Variants in WWOX observed in about 807,000 individuals in gnomAD.
WWOX encodes the protein WW domain-containing oxidoreductase.
In WWOX, 69 loss-of-function variants were observed where a neutral mutation model predicts 46.2. The ratio of observed to expected loss-of-function variants is 1.49; its 90% confidence interval spans 1.23 to 1.82. WWOX has a LOEUF of 1.82. WWOX is among the 40% of genes most tolerant of loss of function. WWOX has a pLI of 0.00. For synonymous variants in WWOX, 359 were observed against 202.6 expected (o/e 1.77, Z -6.56); for missense variants, 919 against 542.6 (o/e 1.69, Z -6.89).
At chr16:78,708,346 G>C (rs2048369135) in intron 8 of WWOX, among the ~76,000 whole-genome samples, 1 of 152,136 alleles carries the variant, frequency 6.6e-6, no homozygotes, top group Non-Finnish European at 1.5e-5. Context: ...TTGTTTATGT[G>C]AAACTCAAAT....
At chr16:78,508,480 C>A (rs888546761) in intron 8 of WWOX, among the ~76,000 whole-genome samples, 10 of 152,100 alleles carry the variant, frequency 6.6e-5, no homozygotes, top group Non-Finnish European at 1.5e-5. Flanking sequence ...CAAGACGTAG[C>A]TAATTGCTCT....
chr16:79,006,236 T>G (rs2047188209), intron 8 of WWOX, among the ~76,000 whole-genome samples: 1 of 152,100 alleles, frequency 6.6e-6, no homozygotes, highest in Non-Finnish European at 1.5e-5. Flanking sequence ...ATAAGTGGCA[T>G]TTGATGAGTT....
chr16:78,274,927 G>A (rs964444313), intron 5 of WWOX, among the ~76,000 whole-genome samples: 1 of 152,170 alleles, frequency 6.6e-6, no homozygotes, highest in East Asian at 1.9e-4. Context: ...AGTGGTAAGA[G>A]AGCCTTTCCC....
chr16:78,807,232 C>T (rs200234745), intron 8 of WWOX, among the ~76,000 whole-genome samples: 3 of 152,242 alleles, frequency 2.0e-5, no homozygotes, highest in East Asian at 1.9e-4. Context: ...TCCACTGAGT[C>T]GCAACATGCC....
chr16:79,015,399 G>T (rs1008896703), intron 8 of WWOX, among the ~76,000 whole-genome samples: 2 of 152,128 alleles, frequency 1.3e-5, no homozygotes, highest in African/African-American at 4.8e-5. Context: ...TCCTTTGTTT[G>T]CAAAATAGTA....
chr16:79,055,792 C>G (rs908228983), intron 8 of WWOX, among the ~76,000 whole-genome samples: 1 of 152,154 alleles, frequency 6.6e-6, no homozygotes, highest in African/African-American at 2.4e-5. Flanking sequence ...AGCAACCAAA[C>G]AGTTTCTTCT....
chr16:79,116,515 A>G (rs914033227), intron 8 of WWOX, among the ~76,000 whole-genome samples: 2 of 152,168 alleles, frequency 1.3e-5, no homozygotes, highest in African/African-American at 4.8e-5. Flanking sequence ...GCAAGAAATC[A>G]CTTTCTTTGC....
intron 8 of WWOX, among the ~76,000 whole-genome samples, chr16:78,517,098 A>G (rs1263166659): frequency 6.6e-6 from 1 of 152,192 alleles, no homozygotes. Flanking sequence ...TATTTATGAA[A>G]TCGGGGCAGC....
intron 8 of WWOX, among the ~76,000 whole-genome samples, chr16:78,804,524 G>A (rs1001187658): frequency 1.7e-4 from 26 of 152,168 alleles, no homozygotes; most frequent in African/African-American, 5.8e-4. Context: ...TATGTTCTGC[G>A]TGTGGCTCTC....
At chr16:78,545,783 C>G (rs1028572652) in intron 8 of WWOX, among the ~76,000 whole-genome samples, 2 of 152,108 alleles carry the variant, frequency 1.3e-5, no homozygotes, top group Admixed American at 6.6e-5. Context: ...TCTCTGAGGC[C>G]TCTCTCCTTG....
chr16:78,422,419 T>G (rs76389311), intron 6 of WWOX, among the ~76,000 whole-genome samples: 13,054 of 151,216 alleles, frequency 0.086, 1,641 homozygotes, highest in African/African-American at 0.28. Flanking sequence ...TCATAGCTCA[T>G]TGCAGCCCTT....
At chr16:79,130,794 G>A (rs777402242) in intron 8 of WWOX, among the ~76,000 whole-genome samples, 5 of 152,186 alleles carry the variant, frequency 3.3e-5, no homozygotes, top group Non-Finnish European at 7.3e-5. Flanking sequence ...CTGTGATCAA[G>A]TACATATGCT....
chr16:78,603,163 T>G (rs1201368005), intron 8 of WWOX, among the ~76,000 whole-genome samples: 1 of 152,224 alleles, frequency 6.6e-6, no homozygotes, highest in Non-Finnish European at 1.5e-5. Context: ...TGCTGTTTTA[T>G]GCACATCATC....
chr16:79,212,573 A>G lies in WWOX; in HGVS notation c.*777A>G, dbSNP rs1372827266. On this transcript the variant is annotated 3_prime_UTR_variant, in exon 9 of 9. Coordinates refer to ENST00000566780, the MANE Select transcript of WWOX (RefSeq NM_016373.4). Reference sequence around the variant, plus strand: ...ACGTTAGTTAATCCCTTTGTCTGTCAATCACAGTCTCAGTTCTCTTGCTTT... The same window carrying G: ...ACGTTAGTTAATCCCTTTGTCTGTCGATCACAGTCTCAGTTCTCTTGCTTT... 1 of 164,024 alleles carries G rather than the reference A, an allele frequency of 6.1e-6. No individual in the cohort carries two copies. Among genetic ancestry groups the G allele is most frequent in the African/African-American group, 2.4e-5 (1 of 41,652 alleles). The allele number at this position is 164,024 out of a possible 1,614,324, so 10.2% of individuals were successfully genotyped here. A position where few individuals can be genotyped will look rare whatever the true frequency, so the allele number is the denominator to read the frequency against.
intron 6 of WWOX, among the ~76,000 whole-genome samples, chr16:78,400,301 G>C (rs1256967604): frequency 6.6e-6 from 1 of 152,172 alleles, no homozygotes; most frequent in African/African-American, 2.4e-5. Context: ...TTTGGGAAAT[G>C]GGTCTTAATG....
chr16:78,573,919 C>G (rs765921707), intron 8 of WWOX, among the ~76,000 whole-genome samples: 2 of 152,200 alleles, frequency 1.3e-5, no homozygotes, highest in Non-Finnish European at 1.5e-5. Context: ...GAGTATCAGA[C>G]TTAGCTGGGT....
chr16:78,753,856 G>GTATATATATATATA (rs1264626542), intron 8 of WWOX, among the ~76,000 whole-genome samples: 1 of 59,326 alleles, frequency 1.7e-5, no homozygotes, highest in Non-Finnish European at 3.1e-5. Context: ...ATATATATAT[G>GTATATATATATATA]TATATGTATA....
At chr16:78,105,362 G>C (rs2032074153) in intron 1 of WWOX, among the ~76,000 whole-genome samples, 1 of 152,052 alleles carries the variant, frequency 6.6e-6, no homozygotes, top group Non-Finnish European at 1.5e-5. Flanking sequence ...CTCAGGCTGA[G>C]GCGGGAGAAT....
chr16:79,081,578 A>G (rs2048761167), intron 8 of WWOX, among the ~76,000 whole-genome samples: 1 of 152,228 alleles, frequency 6.6e-6, no homozygotes, highest in South Asian at 2.1e-4. Flanking sequence ...GGGGCCCTGA[A>G]CAAAAATCTT....
Sources: gnomAD v4.1 joint callset for allele counts (sites outside exome capture counted in the v4.1 genomes callset) on GRCh38, gnomAD v4.1.1 for gene constraint, MANE v1.5 for transcripts, NCBI Gene and HGNC (gene_info 2026-07-23, HGNC 2026-07-21) for gene names.